MAP4K4: variants seen among roughly 807,000 people sequenced by gnomAD.
MAP4K4 encodes the protein HPK/GCK-like kinase HGK.
MAP4K4 carries 38 observed loss-of-function variants against 189.6 expected under a neutral mutation model. The ratio of observed to expected loss-of-function variants is 0.20; its 90% CI spans 0.15 to 0.26. MAP4K4 has a LOEUF of 0.26. Among genes scored for constraint, MAP4K4 ranks in the 10% least tolerant of loss-of-function variants. The pLI is 1.00. For missense variants in MAP4K4, 1,054 were observed against 1,726.9 expected (o/e 0.61, Z 6.91); for synonymous variants, 610 against 624.3 (o/e 0.98, Z 0.34).
At chr2:101,820,762 C>T (rs1279287336) in intron 3 of MAP4K4, among the ~76,000 whole-genome samples, 1 of 152,168 alleles carries the variant, frequency 6.6e-6, no homozygotes, top group East Asian at 1.9e-4. Flanking sequence ...CTCTCAGAAA[C>T]CCTCAGATAC....
chr2:101,878,169 T>C (rs1463970439), intron 27 of MAP4K4, among the ~76,000 whole-genome samples: 1 of 152,242 alleles, frequency 6.6e-6, no homozygotes, highest in Non-Finnish European at 1.5e-5. Flanking sequence ...ATCTTTTAAC[T>C]TTTATAAGTT....
In MAP4K4 at chr2:101,871,359, G is replaced by A; in HGVS notation, c.2761-135G>A. ...TGGTGAGGAAGTGTGAGCAGTTCAG[G>A]CTAATTTCTTTGGTTTTTCCTTGGT... On this transcript the variant is annotated intron_variant, in intron 23 of 32. Transcript: ENST00000324219. 7 of 667,058 alleles carry A rather than the reference G, an allele frequency of 1.0e-5. No homozygotes were observed. In the South Asian group the frequency reaches 1.4e-4, roughly 14 times the overall value. The allele number at this position is 667,058 out of a possible 1,614,324, so 41.3% of individuals were successfully genotyped here.
intron 2 of MAP4K4, among the ~76,000 whole-genome samples, chr2:101,709,298 G>A (rs940637440): frequency 2.6e-5 from 4 of 152,204 alleles, no homozygotes; most frequent in African/African-American, 9.6e-5. Flanking sequence ...CACCTCCTGG[G>A]TTCAAGTGAT....
chr2:101,792,070 A>G (rs1230930119), intron 3 of MAP4K4, among the ~76,000 whole-genome samples: 1 of 152,162 alleles, frequency 6.6e-6, no homozygotes, highest in Non-Finnish European at 1.5e-5. Context: ...TTTAAATTTT[A>G]CTGAAGGAAC....
chr2:101,724,524 T>A (rs1169225373), intron 2 of MAP4K4, among the ~76,000 whole-genome samples: 1 of 152,172 alleles, frequency 6.6e-6, no homozygotes, highest in Non-Finnish European at 1.5e-5. Context: ...TGGGATTTAT[T>A]GGGCTCCTGG....
chr2:101,792,630 T>TCCTCCTC (rs1558948750), intron 3 of MAP4K4, among the ~76,000 whole-genome samples: 1 of 114,880 alleles, frequency 8.7e-6, no homozygotes, highest in African/African-American at 4.3e-5. Context: ...TCCTCCTCCT[T>TCCTCCTC]CTTCTTTCTT....
At chr2:101,815,929 G>C (rs2095685859) in intron 3 of MAP4K4, among the ~76,000 whole-genome samples, 1 of 152,170 alleles carries the variant, frequency 6.6e-6, no homozygotes, top group African/African-American at 2.4e-5. Context: ...TTGATAGTGT[G>C]CTACTGAGTC....
At chr2:101,863,875 T>C in exon 17 of MAP4K4, 1 of 1,367,670 alleles carries the variant, frequency 7.3e-7, no homozygotes, top group Non-Finnish European at 9.8e-7. Context: ...TGTCTCGCGA[T>C]CCCATTCCTT....
intron 2 of MAP4K4, among the ~76,000 whole-genome samples, chr2:101,748,181 G>T (rs1016826148): frequency 6.6e-6 from 1 of 152,146 alleles, no homozygotes; most frequent in African/African-American, 2.4e-5. Context: ...TGTAAATACT[G>T]TACCTTGCTT....
intron 2 of MAP4K4, among the ~76,000 whole-genome samples, chr2:101,773,153 A>G (rs1402772799): frequency 6.6e-6 from 1 of 152,236 alleles, no homozygotes; most frequent in East Asian, 1.9e-4. Flanking sequence ...TTGTAGCACT[A>G]GAGGCAGGAA....
intron 5 of MAP4K4, among the ~76,000 whole-genome samples, chr2:101,828,158 A>T (rs2096444979): frequency 6.6e-6 from 1 of 152,250 alleles, no homozygotes; most frequent in Admixed American, 6.5e-5. Context: ...ATTTACTGCT[A>T]GTAATGAACA....
At chr2:101,815,627 T>G (rs2095666925) in intron 3 of MAP4K4, among the ~76,000 whole-genome samples, 4 of 152,218 alleles carry the variant, frequency 2.6e-5, no homozygotes, top group Admixed American at 2.6e-4. Context: ...ACTGGATATT[T>G]TATATTTTTT....
At position 101,763,929 on chromosome 2, in the gene MAP4K4, G is replaced by C. The variant is rs538003189; in HGVS notation, c.124-26791G>C. 2.6e-5 allele frequency among the ~76,000 whole-genome samples: 4 copies of C among 152,212 alleles called. No homozygotes were observed. The East Asian group carries it at 5.8e-4, about 22-fold the overall frequency. On this transcript the variant is annotated intron_variant, in intron 2 of 32. Transcript: ENST00000324219. ...CTGTGGCTGGAGAGGGGGCTGGAGA[G>C]GACCCTGAGAGGTCAGGGTGCATGC...
At chr2:101,849,797 G>T (rs776263922) in intron 12 of MAP4K4, among the ~76,000 whole-genome samples, 1 of 151,934 alleles carries the variant, frequency 6.6e-6, no homozygotes, top group Non-Finnish European at 1.5e-5. Context: ...TTGGGAGGTC[G>T]AGATGGGATG....
intron 2 of MAP4K4, among the ~76,000 whole-genome samples, chr2:101,754,841 A>G (rs1352461407): frequency 6.6e-6 from 1 of 152,152 alleles, no homozygotes; most frequent in Non-Finnish European, 1.5e-5. Flanking sequence ...TTGTTAGGAG[A>G]GAAAGCCCTG....
chr2:101,800,298 G>A (rs776436900), intron 3 of MAP4K4, among the ~76,000 whole-genome samples: 1 of 152,026 alleles, frequency 6.6e-6, no homozygotes, highest in South Asian at 2.1e-4. Flanking sequence ...AGGTCTCCCT[G>A]TGTTTCCCAG....
intron 2 of MAP4K4, among the ~76,000 whole-genome samples, chr2:101,773,656 C>G (rs1302209163): frequency 6.6e-6 from 1 of 152,098 alleles, no homozygotes; most frequent in Non-Finnish European, 1.5e-5. Flanking sequence ...ACTATAGGCA[C>G]CCTGTTGTGC....
At chr2:101,803,291 G>C (rs918190536) in intron 3 of MAP4K4, among the ~76,000 whole-genome samples, 45 of 142,510 alleles carry the variant, frequency 3.2e-4, no homozygotes, top group Non-Finnish European at 4.9e-4. Flanking sequence ...GTTTGTGTGT[G>C]TGTCTGTCTG....
chr2:101,846,085 T>TA (rs1442727107), intron 12 of MAP4K4, among the ~76,000 whole-genome samples: 1 of 152,226 alleles, frequency 6.6e-6, no homozygotes, highest in African/African-American at 2.4e-5. Flanking sequence ...AGCCTGCAAA[T>TA]ATTCAGCTAG....
Sources: allele counts gnomAD v4.1 joint callset (sites outside exome capture counted in the v4.1 genomes callset), GRCh38; gene constraint gnomAD v4.1.1; transcripts MANE v1.5; gene names NCBI Gene and HGNC (gene_info 2026-07-23, HGNC 2026-07-21).